Variants in ZNF541 observed in about 807,000 individuals in gnomAD.
ZNF541 encodes the protein zinc finger protein 541.
A neutral mutation model predicts 123.5 loss-of-function variants in ZNF541; 23 were observed. That is an observed-to-expected ratio of 0.19 (90% CI 0.13 to 0.26). The LOEUF is 0.26. ZNF541 is among the 10% of genes least tolerant of loss of function. The pLI, the probability that ZNF541 is intolerant of heterozygous loss-of-function variation, is 1.00. For synonymous variants in ZNF541, 751 were observed against 754.5 expected (o/e 1.00, Z 0.08); for missense variants, 1,612 against 1,789.9 (o/e 0.90, Z 1.79).
intron 2 of ZNF541, among the ~76,000 whole-genome samples, chr19:47,556,906 C>T (rs1322266555): frequency 6.6e-6 from 1 of 151,580 alleles, no homozygotes; most frequent in Non-Finnish European, 1.5e-5. Flanking sequence ...TACAGGTGCA[C>T]GCCACCACAC....
intron 9 of ZNF541, among the ~76,000 whole-genome samples, chr19:47,537,218 T>C (rs1453789977): frequency 2.0e-5 from 3 of 152,144 alleles, no homozygotes; most frequent in African/African-American, 7.2e-5. Flanking sequence ...ATACTCTAAA[T>C]GGGTGATTTG....
chr19:47,524,048 T>C (rs895943224), intron 14 of ZNF541, among the ~76,000 whole-genome samples: 2 of 152,170 alleles, frequency 1.3e-5, no homozygotes, highest in Admixed American at 6.5e-5. Context: ...GGAAATTTTA[T>C]GATGCAGGGG....
intron 2 of ZNF541, among the ~76,000 whole-genome samples, chr19:47,557,827 A>C (rs1184944884): frequency 6.6e-6 from 1 of 152,088 alleles, no homozygotes; most frequent in Non-Finnish European, 1.5e-5. Flanking sequence ...GGTCCAAAAA[A>C]TGACTAAAAG....
chr19:47,545,187 C>T lies in ZNF541; in HGVS notation c.1342G>A (p.Gly448Ser). 1 of 1,514,600 alleles carries T rather than the reference C, an allele frequency of 6.6e-7. No homozygotes were observed. The allele number at this position is 1,514,600 out of a possible 1,614,324, so 93.8% of individuals were successfully genotyped here. A position where few individuals can be genotyped will look rare whatever the true frequency, so the allele number is the denominator to read the frequency against. The change falls in exon 5 of 17, where the codon GGC becomes AGC. Residue 448 changes from glycine to serine, a missense_variant. By Grantham distance (56) the Gly-to-Ser change is moderately conservative. Transcript: ENST00000391901. This position sits in a 1 kb window ranked among gnomAD's most constrained non-coding sequence, Gnocchi z 7.5. Reference protein sequence around the residue: ...AVPSREGSESGPGPSSGSPSE... With the variant: ...AVPSREGSESSPGPSSGSPSE... The stretch of plus-strand genomic sequence containing the variant: ...GGGCTTCCGCTGCTGGGTCCCGGGC[C>T]AGACTCGGAGCCCTCCCGCGAGGGC...
In ZNF541 at chr19:47,555,950, A is replaced by G; in HGVS notation, c.-94T>C. 1 of 1,226,232 alleles carries G rather than the reference A, an allele frequency of 8.2e-7. No homozygotes were observed. The highest frequency in any genetic ancestry group is 1.1e-6 in the Non-Finnish European group (1 of 895,078). The allele number at this position is 1,226,232 out of a possible 1,614,324, so 76.0% of individuals were successfully genotyped here. ...GAGGAGAGAGCCCTTGATGGCAACT[A>G]ATTCCTGAAAATGAAGCAAGAAGAA... On this transcript the variant is annotated 5_prime_UTR_variant, in exon 3 of 17. Transcript: ENST00000391901.
In ZNF541 at chr19:47,529,592, C is replaced by T. The variant is rs1340355500; in HGVS notation, c.3466G>A (p.Asp1156Asn). ...TCCCCGTCACCTGTGTAGCGATAGT[C>T]AGCGAGCAGGTGTGTCCGTGGCTTG... The part of the protein sequence containing the change: ...PHKPRTHLLA[D>N]YRYTGSDVWT... Residue 1156 changes from aspartate (D) to asparagine (N), a missense_variant, in exon 13 of 17, where the codon GAC becomes AAC. Physicochemically the swap from Asp to Asn is conservative, Grantham distance 23. Transcript: ENST00000391901. 3.2e-6 allele frequency: 5 copies of T among 1,551,668 alleles called. No individual in the cohort carries two copies. The highest frequency in any genetic ancestry group is 4.4e-6 in the Non-Finnish European group (5 of 1,146,968).
chr19:47,533,471 G>A (rs747728329), intron 9 of ZNF541, among the ~76,000 whole-genome samples: 13 of 148,672 alleles, frequency 8.7e-5, no homozygotes, highest in Non-Finnish European at 1.5e-4. Flanking sequence ...ACAAGTATAC[G>A]TATATATAAA....
chr19:47,546,081 C>T, intron 4 of ZNF541, 101 bp from the exon 5 acceptor site: 7 of 1,043,594 alleles, frequency 6.7e-6, no homozygotes, highest in Non-Finnish European at 9.1e-6. Flanking sequence ...ACAGTTGCAC[C>T]ACAATTCAGA....
chr19:47,543,994 G>C, intron 5 of ZNF541, 132 bp downstream of exon 5: 1 of 1,212,906 alleles, frequency 8.2e-7, no homozygotes, highest in Non-Finnish European at 1.1e-6. Flanking sequence ...ACAATCTTTC[G>C]GAACCTTAAT....
chr19:47,540,161 G>A lies in ZNF541; in HGVS notation c.2622+15C>T. The A allele has an allele frequency of 6.5e-7, 1 of 1,547,132 alleles. No homozygotes were observed. The highest frequency in any genetic ancestry group is 8.7e-7 in the Non-Finnish European group (1 of 1,145,752). On this transcript the variant is annotated intron_variant, in intron 7 of 16. Transcript: ENST00000391901. ...AAACCCAGTAACCACCAAGCCACTG[G>A]TCGTCCCCCTTCACCTGCGGTTCCT... is the stretch of plus-strand genomic sequence containing the variant.
Position 47,521,861 on chromosome 19 carries a change from T to C in ZNF541, c.3704A>G (p.Glu1235Gly). The C allele has an allele frequency of 6.4e-7, 1 of 1,551,718 alleles. No homozygotes were observed. Among genetic ancestry groups the C allele is most frequent in the Non-Finnish European group, 8.7e-7 (1 of 1,146,984 alleles). ...CAGCCCTGGTTCCTCTACCTTTTCCTCTGTCCTTTCCACTTCCTCCGGCTC... is the reference window on the plus strand; with the variant it reads ...CAGCCCTGGTTCCTCTACCTTTTCCCCTGTCCTTTCCACTTCCTCCGGCTC... Reference protein sequence around the residue: ...KREPEEVERTEEKVPCSPRER... With the variant: ...KREPEEVERTGEKVPCSPRER... The change falls in exon 15 of 17, where the codon GAG becomes GGG. Residue 1235 changes from glutamate to glycine, a missense_variant. Glu to Gly is a moderately conservative substitution (Grantham distance 98). Transcript: ENST00000391901. This position sits in a 1 kb window ranked among gnomAD's most constrained non-coding sequence, Gnocchi z 4.2.
At position 47,529,693 on chromosome 19, in the gene ZNF541, G is replaced by C. The variant is rs746175706; in HGVS notation, c.3406-41C>G. 1.7e-5 allele frequency: 26 copies of C among 1,530,756 alleles called. No individual in the cohort carries two copies. The African/African-American group carries it at 3.0e-4, about 18-fold the overall frequency. The allele number at this position is 1,530,756 out of a possible 1,614,324, so 94.8% of individuals were successfully genotyped here. On this transcript the variant is annotated intron_variant, in intron 12 of 16. Coordinates refer to ENST00000391901, the MANE Select transcript of ZNF541 (RefSeq NM_001277075.3). ...CGACAGGCTGCCCAGGACCAGGTGG[G>C]GGAAGAGGACCACAGGCATCCTCCC...
Position 47,544,828 on chromosome 19 carries a change from G to A in ZNF541, c.1701C>T (p.Ile567=), listed in dbSNP as rs2123136191. 3.9e-6 allele frequency: 6 copies of A among 1,534,696 alleles called. No individual in the cohort carries two copies. Among genetic ancestry groups the A allele is most frequent in the Non-Finnish European group, 5.2e-6 (6 of 1,145,954 alleles). The part of the protein sequence containing the change: ...VFQMITKSQR[I]FSHAQVAAVS... Reference sequence around the variant, plus strand: ...CTGCTGCCACCTGGGCATGGGAGAAGATCCGCTGGGACTTGGTGATCATCT... The same window carrying A: ...CTGCTGCCACCTGGGCATGGGAGAAAATCCGCTGGGACTTGGTGATCATCT... Residue 567 remains isoleucine, a synonymous_variant, in exon 5 of 17, where the codon ATC becomes ATT. Transcript: ENST00000391901.
chr19:47,532,845 G>T, intron 10 of ZNF541, 64 bp downstream of exon 10: 2 of 1,497,014 alleles, frequency 1.3e-6, no homozygotes, highest in Non-Finnish European at 9.1e-7. Context: ...GGAACCCTTG[G>T]GAAAAGTGAC....
intron 2 of ZNF541, among the ~76,000 whole-genome samples, chr19:47,562,086 T>TA (rs751680679): frequency 1.3e-5 from 2 of 151,900 alleles, no homozygotes; most frequent in Non-Finnish European, 2.9e-5. Context: ...CCGTCCCTAC[T>TA]AAAAATATAA....
intron 11 of ZNF541, 76 bp from the exon 12 acceptor site, chr19:47,531,821 GA>G: frequency 7.6e-7 from 1 of 1,314,710 alleles, no homozygotes. Flanking sequence ...TTTCCCGAAA[GA>G]CAGCAGAGAG....
chr19:47,571,632 T>G (rs2123455660), intron 2 of ZNF541, among the ~76,000 whole-genome samples: 1 of 152,296 alleles, frequency 6.6e-6, no homozygotes, highest in African/African-American at 2.4e-5. Flanking sequence ...GTATCTGAGT[T>G]GCCACCCTGA....
intron 12 of ZNF541, among the ~76,000 whole-genome samples, chr19:47,531,269 C>CATTTATGTTG (rs1969561306): frequency 2.2e-5 from 3 of 137,240 alleles, no homozygotes; most frequent in South Asian, 4.8e-4. Flanking sequence ...TAGGTAGAGG[C>CATTTATGTTG]ATTTATGTTG....
chr19:47,524,757 CACCTGTA>C (rs1429172688), intron 14 of ZNF541, among the ~76,000 whole-genome samples: 1 of 150,736 alleles, frequency 6.6e-6, no homozygotes. Context: ...TGATTGCACA[CACCTGTA>C]GTCCCAGCTA....
Sources: allele counts gnomAD v4.1 joint callset (sites outside exome capture counted in the v4.1 genomes callset), GRCh38; gene constraint gnomAD v4.1.1; non-coding constraint Gnocchi (gnomAD v3.1); transcripts MANE v1.5; gene names NCBI Gene and HGNC (gene_info 2026-07-23, HGNC 2026-07-21).